The following IRF4 variants were observed in gnomAD, a reference collection of about 807,000 sequenced individuals.
The protein encoded by IRF4 is interferon regulatory factor 4.
IRF4 carries 13 observed loss-of-function variants against 55.5 expected under a neutral mutation model. The observed-to-expected ratio is 0.23, with a 90% CI of 0.15 to 0.37. The LOEUF (loss-of-function observed/expected upper bound fraction) is 0.37. Among genes scored for constraint, IRF4 ranks in the 10% least tolerant of loss-of-function variants. The pLI, the probability that IRF4 is intolerant of heterozygous loss-of-function variation, is 1.00. For missense variants in IRF4, 397 were observed against 593.8 expected (o/e 0.67, Z 3.44); for synonymous variants, 249 against 240.7 (o/e 1.03, Z -0.32).
Position 396,135 on chromosome 6 carries a change from G to T in IRF4, c.492+200G>T, listed in dbSNP as rs1353687133. ...CCATTGGTGTGGATTTTAAGTTGGG[G>T]AGGGTCGGGCGTGTCCGCCTGTTGG... On this transcript the variant is annotated intron_variant, in intron 4 of 8. Coordinates refer to ENST00000380956, the MANE Select transcript of IRF4 (RefSeq NM_002460.4). The T allele has an allele frequency of 1.7e-5, 10 of 575,514 alleles. No individual in the cohort carries two copies. The Admixed American group carries it at 3.3e-4, about 19-fold the overall frequency. The allele number at this position is 575,514 out of a possible 1,614,324, so 35.7% of individuals were successfully genotyped here.
In IRF4 at chr6:393,359, G is replaced by C. The variant is rs74746812; in HGVS notation, c.207G>C (p.Ala69=). Residue 69 remains alanine, a synonymous_variant, in exon 2 of 9, where the codon GCG becomes GCC. Coordinates refer to ENST00000380956, the MANE Select transcript of IRF4 (RefSeq NM_002460.4). The surrounding 1 kb of genome is among the most constrained non-coding windows in gnomAD (Gnocchi z 5.4). ...KQDYNREEDA[A]LFKAWALFKG... is the part of the protein sequence containing the mutation. The stretch of plus-strand genomic sequence containing the variant: ...ACTACAACCGCGAGGAGGACGCCGC[G>C]CTCTTCAAGGTCTCCGGCCTCGGGA... 8,132 of 1,592,862 alleles carry C rather than the reference G, an allele frequency of 5.1e-3. 354 individuals are homozygous for C. The East Asian group carries it at 0.12, about 24-fold the overall frequency.
intron 1 of IRF4, among the ~76,000 whole-genome samples, chr6:392,076 T>G (rs969387627): frequency 1.1e-4 from 17 of 151,994 alleles, no homozygotes; most frequent in African/African-American, 4.1e-4. Flanking sequence ...CGCCACAAGC[T>G]GGACGGGATG....
intron 7 of IRF4, 45 bp from the exon 8 acceptor site, chr6:404,973 G>A (rs115661683): frequency 0.014 from 16,825 of 1,219,816 alleles, 137 homozygotes; most frequent in Middle Eastern, 0.059. Flanking sequence ...TGTGTTCGGT[G>A]ATGAGGGTTT....
Position 401,793 on chromosome 6 carries a change from A to T in IRF4, c.1099+16A>T. ...TTCTTGTCAGGTAAGGCACCTCGTT[A>T]TCTGTTAGAATGGAGGTGGTGATGG... On this transcript the variant is annotated intron_variant, in intron 7 of 8. Transcript: ENST00000380956. The T allele has an allele frequency of 6.2e-7, 1 of 1,608,156 alleles. No homozygotes were observed. The highest frequency in any genetic ancestry group is 2.2e-5 in the East Asian group (1 of 44,838).
At position 410,074 on chromosome 6, in the gene IRF4, G is replaced by C. The variant is rs564829331; in HGVS notation, c.*2476G>C. On this transcript the variant is annotated 3_prime_UTR_variant, in exon 9 of 9. Coordinates refer to ENST00000380956, the MANE Select transcript of IRF4 (RefSeq NM_002460.4). ...GAAATACTCAGGGTTAGGAATCCTAGCACTTGTCTCAGGACTCTGAAAAGG... is the reference window on the plus strand; with the variant it reads ...GAAATACTCAGGGTTAGGAATCCTACCACTTGTCTCAGGACTCTGAAAAGG... The C allele has an allele frequency of 4.9e-5, 11 of 226,230 alleles. No homozygotes were observed. Among genetic ancestry groups the C allele is most frequent in the African/African-American group, 2.4e-4 (11 of 45,120 alleles). The allele number at this position is 226,230 out of a possible 1,614,324, so 14.0% of individuals were successfully genotyped here. A position where few individuals can be genotyped will look rare whatever the true frequency, so the allele number is the denominator to read the frequency against.
intron 3 of IRF4, 58 bp downstream of exon 3, chr6:395,065 C>T (rs1461913011): frequency 1.5e-6 from 2 of 1,310,694 alleles, no homozygotes; most frequent in East Asian, 2.4e-5. Flanking sequence ...CTTGAGGCAC[C>T]TTAACTTCAT....
chr6:407,540 ACATCAG>A lies in IRF4; in HGVS notation c.1301_1306del (p.Ile434_Ser435del). ...CTGAGGGGCTACGATTTACCAGAAC[ACATCAG>A]CAATCCAGAAGATTACCACAGATCT... On this transcript the variant is annotated inframe_deletion, in exon 9 of 9. Coordinates refer to ENST00000380956, the MANE Select transcript of IRF4 (RefSeq NM_002460.4). 2 of 1,613,324 alleles carry A rather than the reference ACATCAG, an allele frequency of 1.2e-6. No homozygotes were observed. The highest frequency in any genetic ancestry group is 1.7e-6 in the Non-Finnish European group (2 of 1,179,658).
rs749648847 is a variant in IRF4, at chr6:407,529, T to C, written c.1287T>C (p.Asp429=). ...QNSGHFLRGY[D]LPEHISNPED... ...GTGGACATTTCCTGAGGGGCTACGA[T>C]TTACCAGAACACATCAGCAATCCAG... Residue 429 remains aspartate, a synonymous_variant, in exon 9 of 9, where the codon GAT becomes GAC. Transcript: ENST00000380956. The C allele has an allele frequency of 5.6e-6, 9 of 1,613,412 alleles. No homozygotes were observed. The East Asian group carries it at 2.0e-4, about 36-fold the overall frequency.
intron 1 of IRF4, 122 bp downstream of exon 1, chr6:391,931 G>A: frequency 4.5e-6 from 2 of 441,222 alleles, no homozygotes; most frequent in South Asian, 1.6e-5. Flanking sequence ...AGCGGGAAGG[G>A]AGCGCGCCCC....
At chr6:397,978 T>C (rs545451085) in intron 5 of IRF4, among the ~76,000 whole-genome samples, 4 of 152,326 alleles carry the variant, frequency 2.6e-5, no homozygotes, top group Admixed American at 6.5e-5. Flanking sequence ...GGCCTTTTTT[T>C]CCCCAGTCAT....
At chr6:398,472 A>G (rs941980111) in intron 5 of IRF4, among the ~76,000 whole-genome samples, 1 of 152,256 alleles carries the variant, frequency 6.6e-6, no homozygotes, top group Non-Finnish European at 1.5e-5. Flanking sequence ...CACAGACTCA[A>G]GTAGACCTGA....
rs939632382 is a variant in IRF4 at position 408,438 on chromosome 6, A to G, written c.*840A>G. On this transcript the variant is annotated 3_prime_UTR_variant, in exon 9 of 9. Coordinates refer to ENST00000380956, the MANE Select transcript of IRF4 (RefSeq NM_002460.4). ...TGGCCTTTCCTGGAAGCCAGTTAGT[A>G]AACTTCCTATTTTCTTGAGTCAAAA... The G allele has an allele frequency of 5.7e-5, 13 of 230,080 alleles. No individual in the cohort carries two copies. The Admixed American group carries it at 7.4e-4, about 13-fold the overall frequency. 14.3% of individuals were successfully genotyped at this position (230,080 alleles called of 1,614,324 possible).
chr6:408,589 C>A lies in IRF4; in HGVS notation c.*991C>A, dbSNP rs528945822. ...CTCATTCTTTAGAGATGCTAAAATT[C>A]TTCGCATAAAGAAGAAGAAATTAAG... On this transcript the variant is annotated 3_prime_UTR_variant, in exon 9 of 9. Transcript: ENST00000380956. 12 of 229,780 alleles carry A rather than the reference C, an allele frequency of 5.2e-5. No individual in the cohort carries two copies. In the South Asian group the frequency reaches 2.0e-3, roughly 38 times the overall value. 14.2% of individuals were successfully genotyped at this position (229,780 alleles called of 1,614,324 possible).
intron 5 of IRF4, among the ~76,000 whole-genome samples, chr6:398,062 A>G (rs1420180151): frequency 6.6e-6 from 1 of 152,222 alleles, no homozygotes; most frequent in Non-Finnish European, 1.5e-5. Flanking sequence ...TGGCATGTTC[A>G]CAAAAAAGCT....
chr6:406,545 A>C (rs1265424297), intron 8 of IRF4, among the ~76,000 whole-genome samples: 1 of 121,998 alleles, frequency 8.2e-6, no homozygotes, highest in Non-Finnish European at 2.0e-5. Flanking sequence ...CTGTCTCAAA[A>C]AAAAAACAAA....
intron 1 of IRF4, 144 bp downstream of exon 1, chr6:391,953 C>T (rs1322038721): frequency 2.3e-6 from 1 of 429,998 alleles, no homozygotes; most frequent in Non-Finnish European, 4.8e-6. Context: ...TCCTGGAGCT[C>T]CGACTCCCAC....
At position 393,138 on chromosome 6, in the gene IRF4, G is replaced by GACGGCACGCGGGGCATGA; in HGVS notation, c.-12_6dup. 6.5e-7 allele frequency: 1 copy of GACGGCACGCGGGGCATGA among 1,546,550 alleles called. No homozygotes were observed. On this transcript the variant is annotated 5_prime_UTR_variant, in exon 2 of 9. It adds an upstream start codon to the 5' untranslated region. Transcript: ENST00000380956. This position sits in a 1 kb window ranked among gnomAD's most constrained non-coding sequence, Gnocchi z 5.4. The stretch of plus-strand genomic sequence containing the variant: ...GCGGAGGACCCCGGGCGCGGGCGCG[G>GACGGCACGCGGGGCATGA]ACGGCACGCGGGGCATGAACCTGGA...
rs1313063300 is a variant in IRF4, at chr6:410,864, C to T, written c.*3266C>T. The T allele has an allele frequency of 5.6e-5, 13 of 232,182 alleles. No individual in the cohort carries two copies. The highest frequency in any genetic ancestry group is 5.1e-4 in the Admixed American group (9 of 17,726). The allele number at this position is 232,182 out of a possible 1,614,324, so 14.4% of individuals were successfully genotyped here. ...GCCAGCTGCATCTGTCTGAATGGTG[C>T]GTGAAGGCTCTCAGACCTTACACAC... On this transcript the variant is annotated 3_prime_UTR_variant, in exon 9 of 9. Transcript: ENST00000380956.
intron 7 of IRF4, among the ~76,000 whole-genome samples, 194 bp from the exon 8 acceptor site, chr6:404,824 A>G (rs2127441787): frequency 6.6e-6 from 1 of 152,284 alleles, no homozygotes; most frequent in South Asian, 2.1e-4. Context: ...CCCTGGGGGG[A>G]AAGCACCCAA....
Sources: allele counts gnomAD v4.1 joint callset (sites outside exome capture counted in the v4.1 genomes callset), GRCh38; gene constraint gnomAD v4.1.1; non-coding constraint Gnocchi (gnomAD v3.1); transcripts MANE v1.5; gene names NCBI Gene and HGNC (gene_info 2026-07-23, HGNC 2026-07-21).